Variants in ME2 observed in about 807,000 individuals in gnomAD.
ME2 encodes NAD-dependent malic enzyme, mitochondrial.
Under a neutral mutation model 73.7 loss-of-function variants are expected in ME2, and 60 were observed. The observed-to-expected ratio is 0.81, with a 90% CI of 0.66 to 1.01. The LOEUF is 1.01. Ranked by LOEUF, ME2 falls within the 50% of genes least tolerant of loss-of-function variation. The probability of loss-of-function intolerance (pLI) is 0.00; values close to 1 mark genes in which losing one functional copy is unlikely to be tolerated. For synonymous variants in ME2, 199 were observed against 236.9 expected, an observed-to-expected ratio of 0.84 and a Z score of 1.47; for missense variants, 594 against 705.5, an observed-to-expected ratio of 0.84 and a Z score of 1.79.
chr18:50,939,763 A>G (rs1917903822), intron 14 of ME2, 123 bp downstream of exon 14: 1 of 655,198 alleles, frequency 1.5e-6, no homozygotes, highest in Admixed American at 2.9e-5. Context: ...AAGTTACTCA[A>G]ATTACTTTTA....
chr18:50,917,228 C>A, intron 5 of ME2, 119 bp from the exon 6 acceptor site: 1 of 769,572 alleles, frequency 1.3e-6, no homozygotes, highest in African/African-American at 1.8e-5. Flanking sequence ...AGCCAAGAAA[C>A]AATTTTATTT....
At chr18:50,884,531 A>G (rs1371026134) in intron 1 of ME2, among the ~76,000 whole-genome samples, 2 of 152,060 alleles carry the variant, frequency 1.3e-5, no homozygotes, top group Non-Finnish European at 2.9e-5. Flanking sequence ...TACTTTTAGT[A>G]GAGACTGGGT....
intron 2 of ME2, among the ~76,000 whole-genome samples, chr18:50,900,254 A>G (rs1344808996): frequency 6.7e-6 from 1 of 149,202 alleles, no homozygotes; most frequent in African/African-American, 2.5e-5. Flanking sequence ...AGGAAGAAGG[A>G]AAAAAGTAAG....
At chr18:50,912,771 T>G in intron 3 of ME2, 30 bp from the exon 4 acceptor site, 1 of 1,501,594 alleles carries the variant, frequency 6.7e-7, no homozygotes, top group Non-Finnish European at 9.0e-7. Context: ...GCAGGCTGAC[T>G]TAGACATTAT....
At chr18:50,933,379 A>G (rs1917743017) in intron 13 of ME2, 1 of 152,226 alleles carries the variant, frequency 6.6e-6, no homozygotes. Context: ...GGCTGGCATC[A>G]GGCAAGCATG....
Position 50,950,592 on chromosome 18 carries a change from C to A in ME2, c.*3408C>A, listed in dbSNP as rs1003160709. On this transcript the variant is annotated 3_prime_UTR_variant, in exon 16 of 16. Coordinates refer to ENST00000321341, the MANE Select transcript of ME2 (RefSeq NM_002396.5). ...CTCCACTTCCTGGGCTCAAACGATC[C>A]TCCCGCCTCAGCCTCCTGAGTAGCT... The A allele has an allele frequency of 2.0e-5, 3 of 150,578 alleles. No individual in the cohort carries two copies. The highest frequency in any genetic ancestry group is 7.3e-5 in the African/African-American group (3 of 40,854). 9.3% of individuals were successfully genotyped at this position (150,578 alleles called of 1,614,324 possible). A position where few individuals can be genotyped will look rare whatever the true frequency, so the allele number is the denominator to read the frequency against.
At chr18:50,923,134 T>A in intron 10 of ME2, among the ~76,000 whole-genome samples, 1 of 152,222 alleles carries the variant, frequency 6.6e-6, no homozygotes, top group East Asian at 1.9e-4. Context: ...AGCATGTTTC[T>A]TCATTCAGCC....
chr18:50,915,612 G>A (rs535891150), intron 4 of ME2: 1 of 152,298 alleles, frequency 6.6e-6, no homozygotes, highest in East Asian at 1.9e-4. Flanking sequence ...TTTTTGATTT[G>A]ATTTTCTAAC....
intron 5 of ME2, 187 bp from the exon 6 acceptor site, chr18:50,917,160 C>T: frequency 4.1e-6 from 2 of 492,878 alleles, no homozygotes; most frequent in Non-Finnish European, 3.6e-6. Context: ...GTTAATGTCT[C>T]ATAATACTCA....
rs57428974 is a variant in ME2, at chr18:50,941,353, C to CTTTTTTTTTTTTTTTTT, written c.1587+982_1587+998dup. ...TCTTTGTGTGTATTTGTGATGGTTT[C>CTTTTTTTTTTTTTTTTT]TTTTTTTTTTTTTTTTTTTTTTTTT... On this transcript the variant is annotated intron_variant, in intron 15 of 15. Coordinates refer to ENST00000321341, the MANE Select transcript of ME2 (RefSeq NM_002396.5). Among the ~76,000 whole-genome samples, 23 of 63,820 alleles carry CTTTTTTTTTTTTTTTTT rather than the reference C, an allele frequency of 3.6e-4. 4 individuals are homozygous for CTTTTTTTTTTTTTTTTT. The highest frequency in any genetic ancestry group is 7.5e-4 in the South Asian group (1 of 1,342). The allele number at this position is 63,820 out of a possible 152,430, so 41.9% of individuals were successfully genotyped here.
intron 12 of ME2, among the ~76,000 whole-genome samples, chr18:50,928,113 C>G (rs796469747): frequency 1.1e-4 from 16 of 151,646 alleles, no homozygotes; most frequent in African/African-American, 3.9e-4. Context: ...CCACTGTGCC[C>G]CACCTAATTT....
At chr18:50,893,749 T>C (rs991190895) in intron 1 of ME2, among the ~76,000 whole-genome samples, 5 of 152,232 alleles carry the variant, frequency 3.3e-5, no homozygotes, top group African/African-American at 1.2e-4. Flanking sequence ...TACTGCTGCC[T>C]TTTCCTCTTA....
intron 12 of ME2, among the ~76,000 whole-genome samples, chr18:50,928,775 C>T (rs1243091485): frequency 2.0e-5 from 3 of 152,128 alleles, no homozygotes; most frequent in African/African-American, 7.2e-5. Context: ...TTATCAGCAC[C>T]TCTCATCCTT....
chr18:50,902,077 C>T (rs1347683211), intron 2 of ME2, among the ~76,000 whole-genome samples: 1 of 152,106 alleles, frequency 6.6e-6, no homozygotes, highest in East Asian at 1.9e-4. Flanking sequence ...AATAATGAAC[C>T]ATAGATTGCC....
At chr18:50,942,786 T>C in intron 15 of ME2, 1 of 278,194 alleles carries the variant, frequency 3.6e-6, no homozygotes, top group East Asian at 5.6e-5. Flanking sequence ...ATTTACTTGA[T>C]GACCAGTTTT....
In ME2 at chr18:50,950,467, C is replaced by CCTTTTTTT. The variant is rs1320031263; in HGVS notation, c.*3283_*3284insCTTTTTTT. ...GCCTGGGGTGGGGCCTCAGATTCTG[C>CCTTTTTTT]TTTTTTTTTTTTTTTTTTTTTTTTT... is the stretch of plus-strand genomic sequence containing the variant. On this transcript the variant is annotated 3_prime_UTR_variant, in exon 16 of 16. Coordinates refer to ENST00000321341, the MANE Select transcript of ME2 (RefSeq NM_002396.5). The CCTTTTTTT allele has an allele frequency of 4.4e-5, 2 of 45,086 alleles. No individual in the cohort carries two copies. The highest frequency in any genetic ancestry group is 1.8e-4 in the African/African-American group (2 of 11,296). 2.8% of individuals were successfully genotyped at this position (45,086 alleles called of 1,614,324 possible).
At chr18:50,915,942 G>T in intron 4 of ME2, 4 of 369,354 alleles carry the variant, frequency 1.1e-5, no homozygotes, top group South Asian at 5.1e-5. Context: ...TGGGTAAAAT[G>T]ACTGTATCAT....
intron 1 of ME2, among the ~76,000 whole-genome samples, chr18:50,880,222 C>G (rs1916283452): frequency 6.6e-6 from 1 of 152,200 alleles, no homozygotes; most frequent in Non-Finnish European, 1.5e-5. Context: ...GAGGTTGATA[C>G]TGTTACTGCC....
At chr18:50,917,161 A>G (rs1286642629) in intron 5 of ME2, 186 bp from the exon 6 acceptor site, 3 of 496,978 alleles carry the variant, frequency 6.0e-6, no homozygotes, top group Non-Finnish European at 1.1e-5. Context: ...TTAATGTCTC[A>G]TAATACTCAG....
Sources: allele counts gnomAD v4.1 joint callset (sites outside exome capture counted in the v4.1 genomes callset), GRCh38; gene constraint gnomAD v4.1.1; transcripts MANE v1.5; gene names NCBI Gene and HGNC (gene_info 2026-07-23, HGNC 2026-07-21).